PUM2: variants seen among roughly 807,000 people sequenced by gnomAD.
The protein encoded by PUM2 is pumilio homolog 2.
A neutral mutation model predicts 124.5 loss-of-function variants in PUM2; 57 were observed. The observed-to-expected ratio is 0.46, with a 90% CI of 0.37 to 0.57. PUM2 has a LOEUF of 0.57. Ranked by LOEUF, PUM2 falls within the 20% of genes least tolerant of loss-of-function variation. The pLI, the probability that PUM2 is intolerant of heterozygous loss-of-function variation, is 0.00. For synonymous variants in PUM2, 460 were observed against 446.1 expected, an observed-to-expected ratio of 1.03 and a Z score of -0.39; for missense variants, 1,065 against 1,290.6, an observed-to-expected ratio of 0.83 and a Z score of 2.68.
chr2:20,277,675 A>T (rs1167196984), intron 13 of PUM2, among the ~76,000 whole-genome samples: 1 of 152,124 alleles, frequency 6.6e-6, no homozygotes, highest in Non-Finnish European at 1.5e-5. Context: ...GGTCAAACAT[A>T]ATCACTAACT....
chr2:20,252,175 A>G (rs892433897), intron 20 of PUM2, among the ~76,000 whole-genome samples: 2 of 152,228 alleles, frequency 1.3e-5, no homozygotes, highest in East Asian at 3.8e-4. Flanking sequence ...CAGCAGAAAC[A>G]CTCAATTAAA....
intron 7 of PUM2, among the ~76,000 whole-genome samples, chr2:20,303,565 C>T (rs116588940): frequency 6.6e-6 from 1 of 151,498 alleles, no homozygotes; most frequent in Admixed American, 6.6e-5. Context: ...AGAAAAATCA[C>T]GTCTCCATTT....
At chr2:20,274,042 G>C (rs1035677892) in intron 13 of PUM2, among the ~76,000 whole-genome samples, 25 of 152,108 alleles carry the variant, frequency 1.6e-4, no homozygotes, top group Admixed American at 1.3e-4. Flanking sequence ...GAAAAACGAA[G>C]AATAGTATCA....
chr2:20,320,995 G>A (rs1682199848), intron 2 of PUM2, among the ~76,000 whole-genome samples: 1 of 152,158 alleles, frequency 6.6e-6, no homozygotes, highest in African/African-American at 2.4e-5. Flanking sequence ...ATCTAAAGTT[G>A]TAATAACTAA....
In PUM2 at chr2:20,300,223, C is replaced by T. The variant is rs186149498; in HGVS notation, c.884-2545G>A. Among the ~76,000 whole-genome samples, 658 of 152,062 alleles carry T rather than the reference C, an allele frequency of 4.3e-3. 1 individual carries two copies. The highest frequency in any genetic ancestry group is 7.5e-3 in the Non-Finnish European group (513 of 68,010). Reference sequence around the variant, plus strand: ...GGAGTGCAGTAGCACGATCTTGGCTCACCACAACCTCCGCCTCCCGGGTTC... The same window carrying T: ...GGAGTGCAGTAGCACGATCTTGGCTTACCACAACCTCCGCCTCCCGGGTTC... On this transcript the variant is annotated intron_variant, in intron 7 of 20. Transcript: ENST00000361078.
At chr2:20,263,893 T>C (rs1226828880) in intron 13 of PUM2, among the ~76,000 whole-genome samples, 1 of 152,160 alleles carries the variant, frequency 6.6e-6, no homozygotes, top group East Asian at 1.9e-4. Flanking sequence ...GTTAAATCTC[T>C]AGTTTTTGCA....
intron 16 of PUM2, 40 bp from the exon 17 acceptor site, chr2:20,256,210 C>A: frequency 6.5e-7 from 1 of 1,528,328 alleles, no homozygotes; most frequent in Non-Finnish European, 8.7e-7. Flanking sequence ...TTACCTCAAA[C>A]GAGAAAATAC....
chr2:20,321,729 C>G (rs1409510751), intron 2 of PUM2, among the ~76,000 whole-genome samples: 3 of 152,118 alleles, frequency 2.0e-5, no homozygotes, highest in Non-Finnish European at 4.4e-5. Context: ...GAAAGAGCAA[C>G]CATACAACAT....
intron 1 of PUM2, among the ~76,000 whole-genome samples, chr2:20,330,088 A>C: frequency 6.6e-6 from 1 of 152,210 alleles, no homozygotes; most frequent in South Asian, 2.1e-4. Flanking sequence ...CCAGAAAAAA[A>C]AACAACATAT....
At chr2:20,276,684 G>A (rs763276591) in intron 13 of PUM2, among the ~76,000 whole-genome samples, 6 of 151,932 alleles carry the variant, frequency 3.9e-5, no homozygotes, top group Non-Finnish European at 8.8e-5. Flanking sequence ...TGAATAGTAT[G>A]CAAAAAGAAA....
At chr2:20,312,100 G>T in intron 4 of PUM2, 136 bp downstream of exon 4, 1 of 758,044 alleles carries the variant, frequency 1.3e-6, no homozygotes, top group Non-Finnish European at 2.0e-6. Context: ...CTAAGCAGAA[G>T]AATAGCAATA....
Position 20,253,760 on chromosome 2 carries a change from G to T in PUM2, c.3063+62C>A, listed in dbSNP as rs973786948. On this transcript the variant is annotated intron_variant, in intron 20 of 20. Coordinates refer to ENST00000361078, the MANE Select transcript of PUM2 (RefSeq NM_015317.5). ...ACGGGAGGAAATGAAAGCCCAAGGA[G>T]GTTAAATGTGTAGCCTAAACACAAA... is the stretch of plus-strand genomic sequence containing the variant. 11 of 1,429,672 alleles carry T rather than the reference G, an allele frequency of 7.7e-6. No homozygotes were observed. The African/African-American group carries it at 1.6e-4, about 20-fold the overall frequency. The allele number at this position is 1,429,672 out of a possible 1,614,324, so 88.6% of individuals were successfully genotyped here. A position where few individuals can be genotyped will look rare whatever the true frequency, so the allele number is the denominator to read the frequency against.
At chr2:20,266,279 C>CA (rs1454211453) in intron 13 of PUM2, among the ~76,000 whole-genome samples, 1 of 151,892 alleles carries the variant, frequency 6.6e-6, no homozygotes, top group South Asian at 2.1e-4. Flanking sequence ...CCCATCTCTA[C>CA]AAAAAATACA....
chr2:20,286,903 C>T (rs576544202), intron 10 of PUM2, among the ~76,000 whole-genome samples: 9 of 152,148 alleles, frequency 5.9e-5, no homozygotes, highest in African/African-American at 2.2e-4. Context: ...GCCATACAAC[C>T]CTGATCGTGC....
chr2:20,275,938 CA>C (rs1670130798), intron 13 of PUM2, among the ~76,000 whole-genome samples: 1 of 151,982 alleles, frequency 6.6e-6, no homozygotes, highest in South Asian at 2.1e-4. Context: ...TTGTTAAAGA[CA>C]TTTAAGTCAA....
intron 16 of PUM2, 57 bp downstream of exon 16, chr2:20,258,186 T>G: frequency 4.2e-6 from 6 of 1,420,178 alleles, no homozygotes; most frequent in Non-Finnish European, 5.7e-6. Flanking sequence ...TAAAAACATG[T>G]AATAATTTAA....
chr2:20,290,589 T>C, intron 10 of PUM2, 63 bp downstream of exon 10: 1 of 1,476,724 alleles, frequency 6.8e-7, no homozygotes, highest in South Asian at 1.4e-5. Context: ...CACTCTTCAG[T>C]GTGAGTACCT....
chr2:20,315,052 G>A (rs1408100073), intron 3 of PUM2, among the ~76,000 whole-genome samples: 1 of 130,794 alleles, frequency 7.6e-6, no homozygotes, highest in African/African-American at 2.8e-5. Flanking sequence ...ACCAAAGGAA[G>A]TGTGCTTCTT....
In PUM2 at chr2:20,251,398, T is replaced by C. The variant is rs1359213866; in HGVS notation, c.*187A>G. 2 of 644,050 alleles carry C rather than the reference T, an allele frequency of 3.1e-6. No homozygotes were observed. Among genetic ancestry groups the C allele is most frequent in the Non-Finnish European group, 4.9e-6 (2 of 406,280 alleles). 39.9% of individuals were successfully genotyped at this position (644,050 alleles called of 1,614,324 possible). A position where few individuals can be genotyped will look rare whatever the true frequency, so the allele number is the denominator to read the frequency against. ...ACTCAGGGCTGAATATAATTTATAA[T>C]TCATCCCCCACCCCCCAAATATACA... is the stretch of plus-strand genomic sequence containing the variant. On this transcript the variant is annotated 3_prime_UTR_variant, in exon 21 of 21. Coordinates refer to ENST00000361078, the MANE Select transcript of PUM2 (RefSeq NM_015317.5).
Sources: allele counts gnomAD v4.1 joint callset (sites outside exome capture counted in the v4.1 genomes callset), GRCh38; gene constraint gnomAD v4.1.1; transcripts MANE v1.5; gene names NCBI Gene and HGNC (gene_info 2026-07-23, HGNC 2026-07-21).